Variants in PGM5 observed in about 807,000 individuals in gnomAD.
PGM5 encodes the protein phosphoglucomutase 5.
PGM5 carries 23 observed loss-of-function variants against 59.2 expected under a neutral mutation model. The observed-to-expected ratio is 0.39, with a 90% CI of 0.28 to 0.55. The LOEUF (loss-of-function observed/expected upper bound fraction) is 0.55. PGM5 is among the 20% of genes least tolerant of loss of function. The pLI is 0.66. For synonymous variants in PGM5, 214 were observed against 286.0 expected, an observed-to-expected ratio of 0.75 and a Z score of 2.54; for missense variants, 574 against 748.3, an observed-to-expected ratio of 0.77 and a Z score of 2.72.
chr9:68,424,140 A>G (rs552465828), intron 6 of PGM5, among the ~76,000 whole-genome samples: 1 of 152,344 alleles, frequency 6.6e-6, no homozygotes, highest in Admixed American at 6.5e-5. Context: ...TTTCCTATGA[A>G]GAGCTGCTGA....
At chr9:68,418,625 G>A (rs375164850) in intron 6 of PGM5, among the ~76,000 whole-genome samples, 1 of 151,918 alleles carries the variant, frequency 6.6e-6, no homozygotes, top group Non-Finnish European at 1.5e-5. Flanking sequence ...ACCTTGCTGC[G>A]GCCTGCTGTT....
chr9:68,411,028 T>C (rs1822920629), intron 6 of PGM5, among the ~76,000 whole-genome samples: 1 of 152,286 alleles, frequency 6.6e-6, no homozygotes, highest in South Asian at 2.1e-4. Context: ...TGTGGTCTTA[T>C]GGCAGAAAAA....
chr9:68,439,023 G>T (rs1216441436), intron 6 of PGM5, among the ~76,000 whole-genome samples: 2 of 152,094 alleles, frequency 1.3e-5, no homozygotes, highest in Non-Finnish European at 2.9e-5. Flanking sequence ...AAACACTGTT[G>T]CCTCTTTTTT....
At chr9:68,439,020 G>C (rs10119478) in intron 6 of PGM5, among the ~76,000 whole-genome samples, 1 of 152,146 alleles carries the variant, frequency 6.6e-6, no homozygotes, top group African/African-American at 2.4e-5. Flanking sequence ...GAGAAACACT[G>C]TTGCCTCTTT....
At chr9:68,385,607 T>C (rs1482709218) in intron 3 of PGM5, among the ~76,000 whole-genome samples, 1 of 151,992 alleles carries the variant, frequency 6.6e-6, no homozygotes, top group African/African-American at 2.4e-5. Flanking sequence ...GCTGGGAGAA[T>C]GCATAGGCAT....
At chr9:68,431,073 A>C (rs1056152125) in intron 6 of PGM5, among the ~76,000 whole-genome samples, 2 of 152,224 alleles carry the variant, frequency 1.3e-5, no homozygotes, top group Non-Finnish European at 2.9e-5. Context: ...GTAACATTCA[A>C]AGAAACAACC....
Position 68,483,846 on chromosome 9 carries a change from C to A in PGM5, c.1296-19C>A. 1.2e-6 allele frequency: 2 copies of A among 1,610,912 alleles called. No homozygotes were observed. Among genetic ancestry groups the A allele is most frequent in the South Asian group, 2.2e-5 (2 of 90,978 alleles). On this transcript the variant is annotated intron_variant, in intron 8 of 10. Transcript: ENST00000396396. Reference sequence around the variant, plus strand: ...CTGGTTCTCTGATTAGGTTTCTGTTCCTCCTGTGTCCTCACCAGGTTTGAC... The same window carrying A: ...CTGGTTCTCTGATTAGGTTTCTGTTACTCCTGTGTCCTCACCAGGTTTGAC...
intron 7 of PGM5, among the ~76,000 whole-genome samples, chr9:68,470,112 T>C (rs1823997295): frequency 1.3e-5 from 2 of 152,326 alleles, no homozygotes; most frequent in East Asian, 3.9e-4. Flanking sequence ...AACAACATGC[T>C]TCTAGGGAGA....
At position 68,410,558 on chromosome 9, in the gene PGM5, TGAGGAGGAGGAG is replaced by T. The variant is rs574549509; in HGVS notation, c.1043+18098_1043+18109del. On this transcript the variant is annotated intron_variant, in intron 6 of 10. Coordinates refer to ENST00000396396, the MANE Select transcript of PGM5 (RefSeq NM_021965.4). ...TTGATGATGGTGATGAGGATGATGA[TGAGGAGGAGGAG>T]GAGGAGGAGGAGAGGAGGAATATCT... is the stretch of plus-strand genomic sequence containing the variant. 3.8e-3 allele frequency among the ~76,000 whole-genome samples: 577 copies of T among 151,840 alleles called. 1 individual carries two copies. Among genetic ancestry groups the T allele is most frequent in the Middle Eastern group, 0.024 (7 of 292 alleles).
At chr9:68,423,509 A>T (rs1554682488) in intron 6 of PGM5, among the ~76,000 whole-genome samples, 1 of 152,206 alleles carries the variant, frequency 6.6e-6, no homozygotes, top group African/African-American at 2.4e-5. Flanking sequence ...GAGTGCTCTG[A>T]GGAGCAGGAC....
At chr9:68,415,105 C>T (rs1442735241) in intron 6 of PGM5, among the ~76,000 whole-genome samples, 1 of 149,452 alleles carries the variant, frequency 6.7e-6, no homozygotes, top group African/African-American at 2.6e-5. Context: ...CAATTCTTCT[C>T]TGGACTTTTC....
In PGM5 at chr9:68,378,479, A is replaced by T. The variant is rs1821982174; in HGVS notation, c.424+118A>T. 6.1e-6 allele frequency: 8 copies of T among 1,310,304 alleles called. No individual in the cohort carries two copies. The South Asian group carries it at 6.4e-5, about 10-fold the overall frequency. The allele number at this position is 1,310,304 out of a possible 1,614,324, so 81.2% of individuals were successfully genotyped here. On this transcript the variant is annotated intron_variant, in intron 2 of 10. Coordinates refer to ENST00000396396, the MANE Select transcript of PGM5 (RefSeq NM_021965.4). ...GGTGCAGAGGACCTAGCTCAGAAAA[A>T]TTCAGTGAGGTGCCCAAAGAGATCC... is the stretch of plus-strand genomic sequence containing the variant.
intron 7 of PGM5, chr9:68,466,071 T>C: frequency 2.7e-6 from 3 of 1,098,964 alleles, no homozygotes; most frequent in Admixed American, 3.0e-5. Flanking sequence ...AGGCTCCAAT[T>C]ACACATGTGT....
intron 1 of PGM5, among the ~76,000 whole-genome samples, chr9:68,369,326 G>A (rs1308966211): frequency 6.6e-5 from 10 of 152,032 alleles, no homozygotes; most frequent in Non-Finnish European, 1.0e-4. Flanking sequence ...CTTTCCCATC[G>A]AACACCAAAA....
chr9:68,362,031 G>C (rs1360989124), intron 1 of PGM5, among the ~76,000 whole-genome samples: 1 of 150,526 alleles, frequency 6.6e-6, no homozygotes, highest in Non-Finnish European at 1.5e-5. Context: ...TTACTTGATT[G>C]TTTTAGCATT....
chr9:68,356,979 G>A lies in PGM5; in HGVS notation c.-149G>A, dbSNP rs376077882. The A allele has an allele frequency of 1.2e-5, 9 of 737,070 alleles. No individual in the cohort carries two copies. The highest frequency in any genetic ancestry group is 8.8e-5 in the South Asian group (3 of 33,964). 45.7% of individuals were successfully genotyped at this position (737,070 alleles called of 1,614,324 possible). On this transcript the variant is annotated 5_prime_UTR_variant, in exon 1 of 11. Coordinates refer to ENST00000396396, the MANE Select transcript of PGM5 (RefSeq NM_021965.4). ...AGGGGCGGGCGGTCCCCAGGCGGGC[G>A]GGTGCAGGGCGCAGGGCGCCGACCT...
At chr9:68,498,757 C>G (rs1289975802) in intron 9 of PGM5, 2 of 159,872 alleles carry the variant, frequency 1.3e-5, no homozygotes, top group Admixed American at 1.2e-4. Context: ...GGAGCATTCC[C>G]TTGCCAGCAG....
intron 8 of PGM5, 102 bp downstream of exon 8, chr9:68,479,655 C>G: frequency 6.3e-6 from 8 of 1,275,578 alleles, no homozygotes; most frequent in Non-Finnish European, 8.6e-6. Context: ...AGGCATCAGG[C>G]CGGGCGCGGT....
rs141019685 is a variant in PGM5, at chr9:68,526,398, G to A, written c.1615-3169G>A. 4.0e-4 allele frequency among the ~76,000 whole-genome samples: 61 copies of A among 152,304 alleles called. No individual in the cohort carries two copies. The East Asian group carries it at 6.9e-3, about 17-fold the overall frequency. Reference sequence around the variant, plus strand: ...TCCCTTCAGCTTGCATAAGCACCACGGAAGCCCTCTTCTCTGACATGAACA... The same window carrying A: ...TCCCTTCAGCTTGCATAAGCACCACAGAAGCCCTCTTCTCTGACATGAACA... On this transcript the variant is annotated intron_variant, in intron 10 of 10. Transcript: ENST00000396396.
Sources: allele counts gnomAD v4.1 joint callset (sites outside exome capture counted in the v4.1 genomes callset), GRCh38; gene constraint gnomAD v4.1.1; transcripts MANE v1.5; gene names NCBI Gene and HGNC (gene_info 2026-07-23, HGNC 2026-07-21).